SPTBN4: variants seen among roughly 807,000 people sequenced by gnomAD.
The protein encoded by SPTBN4 is spectrin beta, non-erythrocytic 4, also known as spectrin beta chain, non-erythrocytic 4.
In SPTBN4, 96 loss-of-function variants were observed where a neutral mutation model predicts 277.8. The observed-to-expected ratio is 0.35, with a 90% CI of 0.29 to 0.41. The LOEUF (loss-of-function observed/expected upper bound fraction) is 0.41. Ranked by LOEUF, SPTBN4 falls within the 10% of genes least tolerant of loss-of-function variation. The pLI, the probability that SPTBN4 is intolerant of heterozygous loss-of-function variation, is 1.00. For synonymous variants in SPTBN4, 1,481 were observed against 1,580.3 expected (o/e 0.94, Z 1.49); for missense variants, 3,006 against 3,595.7 (o/e 0.84, Z 4.19).
chr19:40,476,153 T>A (rs1041605395), intron 2 of SPTBN4, among the ~76,000 whole-genome samples: 7 of 151,968 alleles, frequency 4.6e-5, no homozygotes, highest in African/African-American at 1.5e-4. Flanking sequence ...GAGACCAGCC[T>A]GGCCAGCACG....
rs768265091 is a variant in SPTBN4 at position 40,502,811 on chromosome 19, G to A, written c.1240G>A (p.Glu414Lys). 1 of 1,613,956 alleles carries A rather than the reference G, an allele frequency of 6.2e-7. No individual in the cohort carries two copies. Among genetic ancestry groups the A allele is most frequent in the Admixed American group, 1.7e-5 (1 of 60,008 alleles). Residue 414 changes from glutamate (E) to lysine (K), a missense_variant, in exon 11 of 36, where the codon GAG (glutamate) becomes AAG (lysine). Transcript: ENST00000598249. This position sits in a 1 kb window ranked among gnomAD's most constrained non-coding sequence, Gnocchi z 4.9. ...GCTGGAGAAGGCTGAGCATGAGCGG[G>A]AGGCTGCCCTACGGGCTGAGCTGAT... ...GELEKAEHER[E>K]AALRAELIRQ...
intron 6 of SPTBN4, 88 bp downstream of exon 6, chr19:40,495,065 G>A: frequency 8.0e-7 from 1 of 1,250,742 alleles, no homozygotes; most frequent in Non-Finnish European, 1.2e-6. Context: ...TTGTGTAGAT[G>A]GCACACACAG....
Position 40,570,720 on chromosome 19 carries a change from G to C in SPTBN4, c.7311G>C (p.Ser2437=). The change falls in exon 33 of 36, where the codon TCG becomes TCC. Residue 2437 remains serine (S), a synonymous_variant. Coordinates refer to ENST00000598249, the MANE Select transcript of SPTBN4 (RefSeq NM_020971.3). Reference sequence around the variant, plus strand: ...GCGAGCTCGACGCTAACCGCAAGTCGTCCAACCGGTGAGCGTGTGGGCGGG... The same window carrying C: ...GCGAGCTCGACGCTAACCGCAAGTCCTCCAACCGGTGAGCGTGTGGGCGGG... ...RKRELDANRK[S]SNRSWVSLYC... 2 of 1,607,622 alleles carry C rather than the reference G, an allele frequency of 1.2e-6. No homozygotes were observed. The highest frequency in any genetic ancestry group is 1.7e-6 in the Non-Finnish European group (2 of 1,177,604).
At chr19:40,492,471 G>A (rs925388037) in intron 4 of SPTBN4, among the ~76,000 whole-genome samples, 1 of 152,168 alleles carries the variant, frequency 6.6e-6, no homozygotes, top group Admixed American at 6.5e-5. Context: ...ATGGAGTGGA[G>A]TGAGCTGTTG....
At position 40,506,242 on chromosome 19, in the gene SPTBN4, C is replaced by T; in HGVS notation, c.1672C>T (p.Leu558=). ...GTGCTGTCCCCGCTTGTAGGCTCAG[C>T]TGCTGTCCCGGGAGTGTGGGCAGCA... ...VDWMEEMQAQ[L]LSRECGQHLV... Residue 558 remains leucine, a synonymous_variant, in exon 13 of 36, where the codon CTG becomes TTG. Transcript: ENST00000598249. 1.2e-6 allele frequency: 2 copies of T among 1,611,108 alleles called. No homozygotes were observed. Among genetic ancestry groups the T allele is most frequent in the Non-Finnish European group, 1.7e-6 (2 of 1,178,354 alleles).
chr19:40,504,204 G>C (rs1010588117), intron 12 of SPTBN4, 72 bp downstream of exon 12: 260 of 1,484,996 alleles, frequency 1.8e-4, no homozygotes, highest in Non-Finnish European at 2.3e-4. Flanking sequence ...TGAAAGAGTT[G>C]TCAGACAGCT....
At chr19:40,488,833 T>A (rs549235686) in intron 3 of SPTBN4, among the ~76,000 whole-genome samples, 201 of 151,288 alleles carry the variant, frequency 1.3e-3, no homozygotes, top group African/African-American at 4.8e-3. Context: ...TTAATTTTTT[T>A]ATTCTTTTAA....
Position 40,490,191 on chromosome 19 carries a change from G to C in SPTBN4, c.438G>C (p.Val146=), listed in dbSNP as rs773943096. Reference sequence around the variant, plus strand: ...AGAACGTGGGTTCGCATGACATCGTGGATGGGAATCACCGGCTGACGCTGG... The same window carrying C: ...AGAACGTGGGTTCGCATGACATCGTCGATGGGAATCACCGGCTGACGCTGG... ...HLENVGSHDI[V]DGNHRLTLGL... is the part of the protein sequence containing the mutation. The change falls in exon 4 of 36, where the codon GTG becomes GTC. Residue 146 remains valine (V), a synonymous_variant. Transcript: ENST00000598249. This position sits in a 1 kb window ranked among gnomAD's most constrained non-coding sequence, Gnocchi z 4.3. 2.5e-6 allele frequency: 4 copies of C among 1,614,232 alleles called. No individual in the cohort carries two copies. In the Admixed American group the frequency reaches 6.7e-5, roughly 27 times the overall value.
At position 40,509,040 on chromosome 19, in the gene SPTBN4, G is replaced by A. The variant is rs1043605776; in HGVS notation, c.1816+2654G>A. On this transcript the variant is annotated intron_variant, in intron 13 of 35. Coordinates refer to ENST00000598249, the MANE Select transcript of SPTBN4 (RefSeq NM_020971.3). ...TGGTCAGAGTGGCCCCATCTGATAT[G>A]AGCGTTCTGTGAGTTTTTTTTATTA... Among the ~76,000 whole-genome samples the A allele has an allele frequency of 3.3e-5, 5 of 150,408 alleles. No individual in the cohort carries two copies. The South Asian group carries it at 1.1e-3, about 32-fold the overall frequency.
intron 19 of SPTBN4, 61 bp from the exon 20 acceptor site, chr19:40,534,019 C>G: frequency 6.6e-7 from 1 of 1,519,374 alleles, no homozygotes; most frequent in Non-Finnish European, 8.8e-7. Flanking sequence ...CCACACTTCT[C>G]TGATTCTCCC....
chr19:40,508,737 C>T (rs1409284528), intron 13 of SPTBN4, among the ~76,000 whole-genome samples: 2 of 151,776 alleles, frequency 1.3e-5, no homozygotes, highest in Non-Finnish European at 2.9e-5. Context: ...AGGATTTGGG[C>T]TTGTGTTAGG....
chr19:40,529,171 T>G (rs755331148), intron 18 of SPTBN4, 40 bp downstream of exon 18: 25 of 1,576,450 alleles, frequency 1.6e-5, no homozygotes, highest in African/African-American at 2.7e-5. Flanking sequence ...GACATCCCCT[T>G]TAGTCGGGAG....
At chr19:40,492,542 G>T (rs1347617274) in intron 4 of SPTBN4, among the ~76,000 whole-genome samples, 1 of 152,110 alleles carries the variant, frequency 6.6e-6, no homozygotes. Context: ...TACCTTGAAT[G>T]AAACAGAGAT....
At chr19:40,511,502 T>C (rs2080390777) in intron 13 of SPTBN4, among the ~76,000 whole-genome samples, 1 of 152,236 alleles carries the variant, frequency 6.6e-6, no homozygotes, top group South Asian at 2.1e-4. Flanking sequence ...CCGTTCCTTC[T>C]ATTCTATTCC....
At chr19:40,559,187 C>T (rs986555520) in intron 26 of SPTBN4, among the ~76,000 whole-genome samples, 15 of 152,076 alleles carry the variant, frequency 9.9e-5, no homozygotes, top group Non-Finnish European at 2.1e-4. Context: ...GCCTTGGCCT[C>T]CCAAAGTGCT....
chr19:40,556,876 G>A, intron 25 of SPTBN4, 147 bp from the exon 26 acceptor site: 1 of 954,454 alleles, frequency 1.0e-6, no homozygotes, highest in Non-Finnish European at 1.5e-6. Flanking sequence ...TGCTGTAAGT[G>A]GCTATTGAAC....
chr19:40,521,174 C>T (rs942224338), intron 16 of SPTBN4, among the ~76,000 whole-genome samples: 9 of 152,108 alleles, frequency 5.9e-5, no homozygotes, highest in East Asian at 1.9e-4. Context: ...CCGCCTGCCT[C>T]GGCCTCCCAA....
chr19:40,566,696 G>C (rs965383409), intron 30 of SPTBN4, among the ~76,000 whole-genome samples: 2 of 152,154 alleles, frequency 1.3e-5, no homozygotes, highest in African/African-American at 4.8e-5. Flanking sequence ...CAGGTGTGAC[G>C]GCTCATGCCT....
intron 13 of SPTBN4, among the ~76,000 whole-genome samples, chr19:40,510,859 GA>G (rs964428265): frequency 3.3e-5 from 5 of 151,600 alleles, no homozygotes; most frequent in Admixed American, 3.3e-4. Context: ...AAGAAACTTA[GA>G]AAAAAAATTA....
Sources: gnomAD v4.1 joint callset for allele counts (sites outside exome capture counted in the v4.1 genomes callset) on GRCh38, gnomAD v4.1.1 for gene constraint, Gnocchi (gnomAD v3.1) non-coding constraint, MANE v1.5 for transcripts, NCBI Gene and HGNC (gene_info 2026-07-23, HGNC 2026-07-21) for gene names.